The following CNTNAP2 variants were observed in gnomAD, a reference collection of about 807,000 sequenced individuals.
The protein encoded by CNTNAP2 is contactin-associated protein-like 2.
A neutral mutation model predicts 155.2 loss-of-function variants in CNTNAP2; 98 were observed. The observed-to-expected ratio is 0.63, with a 90% confidence interval of 0.54 to 0.75. CNTNAP2 has a LOEUF of 0.75. Among genes scored for constraint, CNTNAP2 ranks in the 30% least tolerant of loss-of-function variants. CNTNAP2 has a pLI of 0.00. For synonymous variants in CNTNAP2, 651 were observed against 631.2 expected, an observed-to-expected ratio of 1.03 and a Z score of -0.47; for missense variants, 1,727 against 1,688.1, an observed-to-expected ratio of 1.02 and a Z score of -0.40.
chr7:148,337,488 G>C (rs938987818), intron 21 of CNTNAP2, among the ~76,000 whole-genome samples: 8 of 152,178 alleles, frequency 5.3e-5, no homozygotes, highest in Non-Finnish European at 1.2e-4. Context: ...GATGTGAAAC[G>C]AGGTTTGGGA....
chr7:147,825,901 T>C (rs1268896451), intron 13 of CNTNAP2, among the ~76,000 whole-genome samples: 1 of 152,038 alleles, frequency 6.6e-6, no homozygotes, highest in Non-Finnish European at 1.5e-5. Flanking sequence ...GGATGTAAAA[T>C]ATAAGAAAAA....
intron 1 of CNTNAP2, among the ~76,000 whole-genome samples, chr7:146,192,280 T>C (rs572600291): frequency 7.2e-5 from 11 of 152,258 alleles, no homozygotes; most frequent in Admixed American, 3.3e-4. Context: ...ACTTGTAACA[T>C]GGAATTTTTA....
Position 147,893,692 on chromosome 7 carries a change from C to T in CNTNAP2, c.2099-9873C>T, listed in dbSNP as rs1422557338. On this transcript the variant is annotated intron_variant, in intron 13 of 23. Coordinates refer to ENST00000361727, the MANE Select transcript of CNTNAP2 (RefSeq NM_014141.6). The stretch of plus-strand genomic sequence containing the variant: ...CCCTTCCCTATACTTACCTCCCACC[C>T]GTGGGTGAAAAACAAAAAAATCAGA... 3.3e-5 allele frequency among the ~76,000 whole-genome samples: 5 copies of T among 152,266 alleles called. No homozygotes were observed. The East Asian group carries it at 7.7e-4, about 24-fold the overall frequency.
chr7:148,147,154 T>G (rs1805198866), intron 16 of CNTNAP2, among the ~76,000 whole-genome samples: 1 of 152,188 alleles, frequency 6.6e-6, no homozygotes, highest in South Asian at 2.1e-4. Context: ...CTCCACTAAC[T>G]TACTGAATCT....
At chr7:147,043,844 C>G (rs926546148) in intron 3 of CNTNAP2, 63 bp from the exon 4 acceptor site, 1 of 1,582,948 alleles carries the variant, frequency 6.3e-7, no homozygotes, top group Non-Finnish European at 8.7e-7. Flanking sequence ...TTCTAGTAGA[C>G]AGAGGACATG....
intron 14 of CNTNAP2, among the ~76,000 whole-genome samples, chr7:147,934,318 A>G (rs1352662709): frequency 6.6e-6 from 1 of 152,196 alleles, no homozygotes; most frequent in Non-Finnish European, 1.5e-5. Flanking sequence ...GAAGCCTCAC[A>G]GTCATGGCAG....
At chr7:146,759,825 C>T (rs972875312) in intron 1 of CNTNAP2, among the ~76,000 whole-genome samples, 13 of 151,624 alleles carry the variant, frequency 8.6e-5, no homozygotes, top group African/African-American at 2.2e-4. Flanking sequence ...GAAAAAGGTT[C>T]GCAGTTACCA....
Position 148,348,242 on chromosome 7 carries a change from G to A in CNTNAP2, c.3476-35407G>A, listed in dbSNP as rs375005056. 3.2e-4 allele frequency among the ~76,000 whole-genome samples: 48 copies of A among 152,274 alleles called. 1 individual carries two copies. Among genetic ancestry groups the A allele is most frequent in the African/African-American group, 1.1e-3 (47 of 41,556 alleles). On this transcript the variant is annotated intron_variant, in intron 21 of 23. Coordinates refer to ENST00000361727, the MANE Select transcript of CNTNAP2 (RefSeq NM_014141.6). Reference sequence around the variant, plus strand: ...GGGTGTGATGGGTTCCAGACAACCTGGACGTGCTTTTAGAAAGCAGTCAAG... The same window carrying A: ...GGGTGTGATGGGTTCCAGACAACCTAGACGTGCTTTTAGAAAGCAGTCAAG...
At chr7:147,129,180 C>T (rs1286663718) in intron 7 of CNTNAP2, among the ~76,000 whole-genome samples, 1 of 152,182 alleles carries the variant, frequency 6.6e-6, no homozygotes, top group Non-Finnish European at 1.5e-5. Flanking sequence ...ATCACATGTG[C>T]TCTAAGTTAC....
intron 9 of CNTNAP2, among the ~76,000 whole-genome samples, chr7:147,361,909 G>A (rs931474136): frequency 6.6e-6 from 1 of 152,090 alleles, no homozygotes; most frequent in East Asian, 1.9e-4. Flanking sequence ...GATGGCTAAG[G>A]GGGTAACTCA....
intron 22 of CNTNAP2, among the ~76,000 whole-genome samples, chr7:148,395,685 C>T (rs1563072189): frequency 1.3e-5 from 2 of 152,164 alleles, no homozygotes; most frequent in Non-Finnish European, 2.9e-5. Flanking sequence ...GCATCGAACA[C>T]CTCACAGGCC....
intron 1 of CNTNAP2, among the ~76,000 whole-genome samples, chr7:146,508,435 A>T (rs1420105280): frequency 6.6e-6 from 1 of 152,224 alleles, no homozygotes; most frequent in Non-Finnish European, 1.5e-5. Flanking sequence ...AGGTGCAAAG[A>T]TGCAGGCTTC....
At chr7:146,497,950 A>T (rs2129132590) in intron 1 of CNTNAP2, among the ~76,000 whole-genome samples, 1 of 151,230 alleles carries the variant, frequency 6.6e-6, no homozygotes, top group African/African-American at 2.4e-5. Flanking sequence ...CATAGAATAA[A>T]CATATATATA....
rs1456624597 is a variant in CNTNAP2, at chr7:148,181,548, T to G, written c.3010+9070T>G. Among the ~76,000 whole-genome samples the G allele has an allele frequency of 2.0e-5, 3 of 152,124 alleles. No homozygotes were observed. The East Asian group carries it at 5.8e-4, about 29-fold the overall frequency. ...TGTGGTGGTAAAATAACATTCCCCC[T>G]AGCCTGAGGTTCTCTTTGGGGTCCC... On this transcript the variant is annotated intron_variant, in intron 18 of 23. Transcript: ENST00000361727.
chr7:146,669,779 A>G (rs1275253426), intron 1 of CNTNAP2, among the ~76,000 whole-genome samples: 1 of 152,200 alleles, frequency 6.6e-6, no homozygotes, highest in African/African-American at 2.4e-5. Context: ...GATGCACTGT[A>G]TTAAAAATTG....
At chr7:146,199,199 C>T (rs1164881731) in intron 1 of CNTNAP2, among the ~76,000 whole-genome samples, 2 of 152,110 alleles carry the variant, frequency 1.3e-5, no homozygotes, top group East Asian at 1.9e-4. Context: ...GACACAATAA[C>T]CTCTTAGAGA....
chr7:148,312,641 C>T (rs1045825233), intron 21 of CNTNAP2, among the ~76,000 whole-genome samples: 17 of 152,094 alleles, frequency 1.1e-4, no homozygotes, highest in East Asian at 9.6e-4. Flanking sequence ...GTTGATAAGG[C>T]GCAGATCCTG....
intron 13 of CNTNAP2, among the ~76,000 whole-genome samples, chr7:147,666,592 A>G (rs1205142102): frequency 6.6e-6 from 1 of 152,114 alleles, no homozygotes; most frequent in Non-Finnish European, 1.5e-5. Context: ...TTGCTGTAAA[A>G]CCGTATTCAG....
intron 1 of CNTNAP2, among the ~76,000 whole-genome samples, chr7:146,412,719 C>T (rs1029677238): frequency 1.3e-5 from 2 of 152,120 alleles, no homozygotes; most frequent in African/African-American, 4.8e-5. Context: ...TATCTTGCTT[C>T]GAATTAATTC....
Sources: allele counts gnomAD v4.1 joint callset (sites outside exome capture counted in the v4.1 genomes callset), GRCh38; gene constraint gnomAD v4.1.1; transcripts MANE v1.5; gene names NCBI Gene and HGNC (gene_info 2026-07-23, HGNC 2026-07-21).